The following PRKDC variants were observed in gnomAD, a reference collection of about 807,000 sequenced individuals.
PRKDC encodes the protein protein kinase, DNA-activated, catalytic subunit.
In PRKDC, 82 loss-of-function variants were observed where a neutral mutation model predicts 486.9. That is an observed-to-expected ratio of 0.17 (90% CI 0.14 to 0.20). The LOEUF (loss-of-function observed/expected upper bound fraction) is 0.20, where lower values mean the gene tolerates loss of function less well. Ranked by LOEUF, PRKDC falls within the 10% of genes least tolerant of loss-of-function variation. The pLI, the probability that PRKDC is intolerant of heterozygous loss-of-function variation, is 1.00. For missense variants in PRKDC, 4,504 were observed against 5,038.2 expected (o/e 0.89, Z 3.21); for synonymous variants, 1,895 against 1,837.0 (o/e 1.03, Z -0.81).
At chr8:47,895,085 A>G (rs1442711096) in intron 30 of PRKDC, among the ~76,000 whole-genome samples, 1 of 152,110 alleles carries the variant, frequency 6.6e-6, no homozygotes, top group Non-Finnish European at 1.5e-5. Flanking sequence ...TCTTAAAAAC[A>G]AACAGGTGCT....
At chr8:47,856,189 C>T (rs572970861) in intron 49 of PRKDC, among the ~76,000 whole-genome samples, 2 of 151,984 alleles carry the variant, frequency 1.3e-5, no homozygotes, top group Non-Finnish European at 2.9e-5. Flanking sequence ...CAGAGACAAG[C>T]GTGTGAGAAA....
chr8:47,859,557 C>A, intron 46 of PRKDC, 54 bp downstream of exon 46: 1 of 1,574,614 alleles, frequency 6.4e-7, no homozygotes, highest in Non-Finnish European at 8.7e-7. Context: ...TAGCTGTGAC[C>A]CCCTTTCTTC....
chr8:47,862,683 G>T, intron 42 of PRKDC, 142 bp from the exon 43 acceptor site: 1 of 698,330 alleles, frequency 1.4e-6, no homozygotes, highest in Non-Finnish European at 2.2e-6. Context: ...TTAGGCACTG[G>T]GAATATGAAA....
Position 47,831,835 on chromosome 8 carries a change from A to C in PRKDC, c.8244T>G (p.Val2748=), listed in dbSNP as rs1349111919. Reference sequence around the variant, plus strand: ...AAACCTTCTCTCGTTTTTGCTCAGCAACGCCTTTTCTGGCATACATCAAAC... The same window carrying C: ...AAACCTTCTCTCGTTTTTGCTCAGCCACGCCTTTTCTGGCATACATCAAAC... The part of the protein sequence containing the change: ...KLSLMYARKG[V]AEQKREKEIK... Residue 2748 remains valine (V), a synonymous_variant, in exon 60 of 86, where the codon GTT becomes GTG. Transcript: ENST00000314191. 1 of 1,613,988 alleles carries C rather than the reference A, an allele frequency of 6.2e-7. No homozygotes were observed. Among genetic ancestry groups the C allele is most frequent in the African/African-American group, 1.3e-5 (1 of 75,048 alleles).
Position 47,876,687 on chromosome 8 carries a change from A to C in PRKDC, c.5363+1037T>G, listed in dbSNP as rs570005149. 4.0e-3 allele frequency among the ~76,000 whole-genome samples: 602 copies of C among 152,154 alleles called. 4 individuals are homozygous for C. Among genetic ancestry groups the C allele is most frequent in the South Asian group, 0.025 (120 of 4,822 alleles). Reference sequence around the variant, plus strand: ...AAAAAAAAAAAAAATCAACAATCAGATATGTCCTATCCTTCCCACTGTATT... The same window carrying C: ...AAAAAAAAAAAAAATCAACAATCAGCTATGTCCTATCCTTCCCACTGTATT... On this transcript the variant is annotated intron_variant, in intron 40 of 85. Coordinates refer to ENST00000314191, the MANE Select transcript of PRKDC (RefSeq NM_006904.7).
chr8:47,954,809 C>CA (rs555001474), intron 4 of PRKDC, among the ~76,000 whole-genome samples: 4 of 151,786 alleles, frequency 2.6e-5, no homozygotes, highest in African/African-American at 4.8e-5. Flanking sequence ...AATACAAATA[C>CA]AAAAAAAACA....
rs1231652619 is a variant in PRKDC at position 47,935,012 on chromosome 8, T to C, written c.1494A>G (p.Pro498=). The change falls in exon 14 of 86, where the codon CCA becomes CCG. Residue 498 remains proline, a synonymous_variant. Coordinates refer to ENST00000314191, the MANE Select transcript of PRKDC (RefSeq NM_006904.7). ...AAACATTAAATTCAGAATTTACCTT[T>C]GGAAGGACCACTGGTTTAGAACATA... is the stretch of plus-strand genomic sequence containing the variant. ...IRICSKPVVL[P]KGPESESEDH... is the part of the protein sequence containing the mutation. 1.7e-5 allele frequency: 26 copies of C among 1,518,578 alleles called. No homozygotes were observed. The highest frequency in any genetic ancestry group is 2.3e-5 in the Non-Finnish European group (26 of 1,121,610). 94.1% of individuals were successfully genotyped at this position (1,518,578 alleles called of 1,614,324 possible). A position where few individuals can be genotyped will look rare whatever the true frequency, so the allele number is the denominator to read the frequency against.
intron 59 of PRKDC, 147 bp downstream of exon 59, chr8:47,834,049 A>G (rs1435235117): frequency 3.1e-6 from 3 of 974,316 alleles, no homozygotes; most frequent in Non-Finnish European, 3.1e-6. Flanking sequence ...CAGCATGGTG[A>G]GTGCCTAGGC....
chr8:47,898,409 A>C (rs185758716), intron 29 of PRKDC, 61 bp downstream of exon 29: 2 of 1,329,710 alleles, frequency 1.5e-6, no homozygotes, highest in Non-Finnish European at 2.1e-6. Context: ...GTTGTCCTTC[A>C]TTAGCTGTGA....
At chr8:47,884,022 C>G (rs2089279151) in intron 36 of PRKDC, among the ~76,000 whole-genome samples, 2 of 152,252 alleles carry the variant, frequency 1.3e-5, no homozygotes, top group Admixed American at 1.3e-4. Context: ...TGGTGCCCTG[C>G]CAAGGGCAGA....
rs766240221 is a variant in PRKDC at position 47,803,355 on chromosome 8, C to T, written c.9873G>A (p.Gln3291=). 4 of 1,613,930 alleles carry T rather than the reference C, an allele frequency of 2.5e-6. No individual in the cohort carries two copies. The South Asian group carries it at 4.4e-5, about 18-fold the overall frequency. The stretch of plus-strand genomic sequence containing the variant: ...CAGTGAGCACCTGCTCAGAGCAGCC[C>T]TGGGACCGGCTCCGGCAGTGGCTCA... ...CRLSHCRSRS[Q]GCSEQVLTVL... is the part of the protein sequence containing the mutation. Residue 3291 remains glutamine (Q), a synonymous_variant, in exon 70 of 86, where the codon CAG becomes CAA. Coordinates refer to ENST00000314191, the MANE Select transcript of PRKDC (RefSeq NM_006904.7).
intron 54 of PRKDC, among the ~76,000 whole-genome samples, chr8:47,848,455 AG>A (rs1366285661): frequency 6.6e-6 from 1 of 152,184 alleles, no homozygotes; most frequent in Non-Finnish European, 1.5e-5. Context: ...ACATAAAGTC[AG>A]GAACAACAGA....
At chr8:47,832,063 G>GGCCACAGCT in intron 59 of PRKDC, 137 bp from the exon 60 acceptor site, 1 of 701,270 alleles carries the variant, frequency 1.4e-6, no homozygotes, top group South Asian at 1.7e-5. Context: ...GGAGTGCAGG[G>GGCCACAGCT]GCCACAGCTG....
Position 47,836,376 on chromosome 8 carries a change from G to C in PRKDC, c.7913C>G (p.Thr2638Ser). ...RWPVAGQIRA[T>S]QQQHDFTLTQ... ...CAGTGTGAAGTCATGCTGCTGCTGG[G>C]TGGCCCTTATCTGCCCTGCCACTGG... The change falls in exon 58 of 86, where the codon ACC (threonine) becomes AGC (serine). Residue 2638 changes from threonine to serine, a missense_variant. Thr to Ser is a moderately conservative substitution (Grantham distance 58). This residue lies in a region of PRKDC where 1,592 missense variants were observed against 1,724.6 expected (regional missense o/e 0.92). Coordinates refer to ENST00000314191, the MANE Select transcript of PRKDC (RefSeq NM_006904.7). The C allele has an allele frequency of 6.2e-7, 1 of 1,606,474 alleles. No individual in the cohort carries two copies. The highest frequency in any genetic ancestry group is 8.5e-7 in the Non-Finnish European group (1 of 1,175,432).
chr8:47,862,027 G>GATAAGTT (rs1563772701), intron 44 of PRKDC, 35 bp downstream of exon 44: 1 of 1,494,366 alleles, frequency 6.7e-7, no homozygotes, highest in Non-Finnish European at 9.1e-7. Context: ...GTGAGCACTT[G>GATAAGTT]ATAAGTTTTT....
chr8:47,837,860 G>A (rs900402624), intron 56 of PRKDC, among the ~76,000 whole-genome samples: 5 of 152,244 alleles, frequency 3.3e-5, no homozygotes, highest in African/African-American at 1.2e-4. Context: ...TAGGGGTCAG[G>A]TGCAGTGGCT....
chr8:47,923,063 A>G (rs556746538), intron 21 of PRKDC, among the ~76,000 whole-genome samples: 2 of 150,500 alleles, frequency 1.3e-5, no homozygotes, highest in African/African-American at 2.4e-5. Context: ...ATGAGAAGTC[A>G]TTCTTTTTTT....
Position 47,823,978 on chromosome 8 carries a change from T to C in PRKDC, c.8802A>G (p.Gly2934=). The C allele has an allele frequency of 3.1e-6, 5 of 1,613,006 alleles. No individual in the cohort carries two copies. Among genetic ancestry groups the C allele is most frequent in the Non-Finnish European group, 4.2e-6 (5 of 1,179,314 alleles). ...AAATCCCACGGAGGACGTCGTATTC[T>C]CCAATTGATCTATACAGCCTACAAA... The part of the protein sequence containing the change: ...VELAKLYRSI[G]EYDVLRGIFT... Residue 2934 remains glycine, a synonymous_variant, in exon 64 of 86, where the codon GGA becomes GGG. Transcript: ENST00000314191.
At position 47,807,260 on chromosome 8, in the gene PRKDC, C is replaced by T. The variant is rs779855035; in HGVS notation, c.9624G>A (p.Val3208=). The change falls in exon 69 of 86, where the codon GTG becomes GTA. Residue 3208 remains valine (V), a synonymous_variant. Transcript: ENST00000314191. ...TGTCACTGGGGTCTCCATCTTGATCCACATTCATACTATTATCTTCTGGAA... is the reference window on the plus strand; with the variant it reads ...TGTCACTGGGGTCTCCATCTTGATCTACATTCATACTATTATCTTCTGGAA... ...TPLPEDNSMN[V]DQDGDPSDRM... The T allele has an allele frequency of 3.1e-6, 5 of 1,613,282 alleles. No homozygotes were observed. The highest frequency in any genetic ancestry group is 3.4e-6 in the Non-Finnish European group (4 of 1,179,512).
Sources: allele counts gnomAD v4.1 joint callset (sites outside exome capture counted in the v4.1 genomes callset), GRCh38; gene constraint gnomAD v4.1.1; regional missense constraint gnomAD v4.1.1; transcripts MANE v1.5; gene names NCBI Gene and HGNC (gene_info 2026-07-23, HGNC 2026-07-21).